Variants in CAPZA1 observed in about 807,000 individuals in gnomAD.
CAPZA1 encodes F-actin-capping protein subunit alpha-1.
CAPZA1 carries 10 observed loss-of-function variants against 40.8 expected under a neutral mutation model. The ratio of observed to expected loss-of-function variants is 0.25; its 90% CI spans 0.15 to 0.42. The LOEUF is 0.42. CAPZA1 is among the 10% of genes least tolerant of loss of function. The pLI, the probability that CAPZA1 is intolerant of heterozygous loss-of-function variation, is 1.00. For synonymous variants in CAPZA1, 98 were observed against 115.0 expected (o/e 0.85, Z 0.95); for missense variants, 277 against 353.8 (o/e 0.78, Z 1.74).
chr1:112,654,033 G>T (rs946659255), intron 4 of CAPZA1, among the ~76,000 whole-genome samples: 1 of 152,120 alleles, frequency 6.6e-6, no homozygotes, highest in African/African-American at 2.4e-5. Context: ...GTTGGGAAAT[G>T]GGATGAGAAA....
intron 1 of CAPZA1, among the ~76,000 whole-genome samples, chr1:112,630,847 A>C (rs1359664556): frequency 6.6e-6 from 1 of 152,228 alleles, no homozygotes; most frequent in Non-Finnish European, 1.5e-5. Flanking sequence ...TTTTGTTAAC[A>C]GTGGTAAAGT....
chr1:112,660,626 A>G (rs972724061), intron 7 of CAPZA1, among the ~76,000 whole-genome samples: 1 of 152,132 alleles, frequency 6.6e-6, no homozygotes, highest in African/African-American at 2.4e-5. Flanking sequence ...AGGCAGCTGA[A>G]TAAGATAGCT....
chr1:112,659,401 C>T (rs1671558312), intron 6 of CAPZA1: 4 of 522,438 alleles, frequency 7.7e-6, no homozygotes, highest in Non-Finnish European at 1.4e-5. Flanking sequence ...GCCTATTCAT[C>T]TGATTTTGGA....
Position 112,671,112 on chromosome 1 carries a change from T to C in CAPZA1, c.*980T>C, listed in dbSNP as rs546504763. ...AGTATCTTTCTATTGTAACCTGTTA[T>C]TTAAGGAAATACTAGTGATTTCTTC... On this transcript the variant is annotated 3_prime_UTR_variant, in exon 10 of 10. Transcript: ENST00000263168. The C allele has an allele frequency of 2.0e-5, 3 of 152,800 alleles. No individual in the cohort carries two copies. The South Asian group carries it at 6.2e-4, about 32-fold the overall frequency. 9.5% of individuals were successfully genotyped at this position (152,800 alleles called of 1,614,324 possible). A position where few individuals can be genotyped will look rare whatever the true frequency, so the allele number is the denominator to read the frequency against.
intron 1 of CAPZA1, among the ~76,000 whole-genome samples, chr1:112,633,279 T>A (rs957381324): frequency 2.0e-5 from 3 of 151,808 alleles, no homozygotes; most frequent in African/African-American, 7.2e-5. Flanking sequence ...ACCATTCTAT[T>A]CTCTGTTTCT....
rs1671801460 is a variant in CAPZA1, at chr1:112,670,198, T to C, written c.*66T>C. 3 of 1,569,216 alleles carry C rather than the reference T, an allele frequency of 1.9e-6. No homozygotes were observed. The highest frequency in any genetic ancestry group is 2.7e-5 in the African/African-American group (2 of 73,438). Reference sequence around the variant, plus strand: ...ATTCAACGTGTGGTCATATGATAAATAAGTGATTTATAAACAAGAGTGATA... The same window carrying C: ...ATTCAACGTGTGGTCATATGATAAACAAGTGATTTATAAACAAGAGTGATA... On this transcript the variant is annotated 3_prime_UTR_variant, in exon 10 of 10. Coordinates refer to ENST00000263168, the MANE Select transcript of CAPZA1 (RefSeq NM_006135.3).
chr1:112,627,982 T>C (rs1466694057), intron 1 of CAPZA1, among the ~76,000 whole-genome samples: 4 of 151,958 alleles, frequency 2.6e-5, no homozygotes, highest in African/African-American at 7.3e-5. Context: ...AGTTGCTTAG[T>C]GCTCTTTGAG....
chr1:112,635,635 C>A (rs1032929684), intron 1 of CAPZA1, among the ~76,000 whole-genome samples: 1 of 151,964 alleles, frequency 6.6e-6, no homozygotes, highest in African/African-American at 2.4e-5. Flanking sequence ...CAGGGTTTCC[C>A]CCTGTTAGCC....
At chr1:112,639,965 G>C (rs1370193764) in intron 1 of CAPZA1, among the ~76,000 whole-genome samples, 87 of 140,210 alleles carry the variant, frequency 6.2e-4, no homozygotes, top group African/African-American at 2.0e-3. Flanking sequence ...AGGGAGGTGG[G>C]GGGGTCAGCC....
chr1:112,646,074 A>G (rs537187633), intron 1 of CAPZA1, among the ~76,000 whole-genome samples: 2 of 152,344 alleles, frequency 1.3e-5, no homozygotes, highest in African/African-American at 4.8e-5. Context: ...AAGATAAAAT[A>G]TAGAGGAAAA....
At chr1:112,660,546 C>G (rs1296304932) in intron 7 of CAPZA1, among the ~76,000 whole-genome samples, 4 of 152,070 alleles carry the variant, frequency 2.6e-5, no homozygotes, top group Non-Finnish European at 5.9e-5. Context: ...TCCCAAAATG[C>G]TGGGATTACA....
chr1:112,651,508 T>C (rs765743234), intron 3 of CAPZA1, among the ~76,000 whole-genome samples: 2 of 152,178 alleles, frequency 1.3e-5, no homozygotes, highest in South Asian at 2.1e-4. Context: ...CAAGATTTAC[T>C]GATGGACTGG....
chr1:112,665,624 C>G (rs1214001907), intron 7 of CAPZA1, among the ~76,000 whole-genome samples: 1 of 152,142 alleles, frequency 6.6e-6, no homozygotes, highest in Non-Finnish European at 1.5e-5. Context: ...AGTTCTGTTT[C>G]TCATAGGTGA....
chr1:112,658,148 A>G (rs550952822), intron 5 of CAPZA1, among the ~76,000 whole-genome samples: 7 of 152,226 alleles, frequency 4.6e-5, no homozygotes, highest in Non-Finnish European at 1.0e-4. Context: ...AAATACATGT[A>G]AGAACATATT....
At chr1:112,648,932 C>T (rs1671334608) in intron 2 of CAPZA1, among the ~76,000 whole-genome samples, 1 of 151,190 alleles carries the variant, frequency 6.6e-6, no homozygotes, top group South Asian at 2.1e-4. Context: ...CATTGCACTC[C>T]AGCCTAGGCG....
chr1:112,663,888 A>G (rs1171248653), intron 7 of CAPZA1, among the ~76,000 whole-genome samples: 2 of 152,190 alleles, frequency 1.3e-5, no homozygotes, highest in Admixed American at 6.5e-5. Context: ...GAGGGTATGG[A>G]AAGTCTAGCT....
Position 112,671,564 on chromosome 1 carries a change from A to C in CAPZA1, c.*1432A>C, listed in dbSNP as rs150502755. 16 of 152,742 alleles carry C rather than the reference A, an allele frequency of 1.0e-4. No individual in the cohort carries two copies. In the East Asian group the frequency reaches 3.1e-3, roughly 29 times the overall value. 9.5% of individuals were successfully genotyped at this position (152,742 alleles called of 1,614,324 possible). A position where few individuals can be genotyped will look rare whatever the true frequency, so the allele number is the denominator to read the frequency against. ...CCTTCATACTATCCATCCATACCAC[A>C]CTATCTTCTGTATCAGGTAGTCTAA... On this transcript the variant is annotated 3_prime_UTR_variant, in exon 10 of 10. Coordinates refer to ENST00000263168, the MANE Select transcript of CAPZA1 (RefSeq NM_006135.3).
chr1:112,669,439 G>A, intron 8 of CAPZA1, 104 bp from the exon 9 acceptor site: 2 of 820,368 alleles, frequency 2.4e-6, no homozygotes, highest in Non-Finnish European at 4.2e-6. Flanking sequence ...TGGAAAACTA[G>A]AAATTGTCAT....
At chr1:112,637,305 C>A (rs1246917840) in intron 1 of CAPZA1, among the ~76,000 whole-genome samples, 2 of 152,248 alleles carry the variant, frequency 1.3e-5, no homozygotes, top group Non-Finnish European at 2.9e-5. Context: ...AGTATTCATT[C>A]ATTCACATTC....
Sources: gnomAD v4.1 joint callset for allele counts (sites outside exome capture counted in the v4.1 genomes callset) on GRCh38, gnomAD v4.1.1 for gene constraint, MANE v1.5 for transcripts, NCBI Gene and HGNC (gene_info 2026-07-23, HGNC 2026-07-21) for gene names.